The following GRM1 variants were observed in gnomAD, a reference collection of about 807,000 sequenced individuals.
GRM1 encodes metabotropic glutamate receptor 1.
GRM1 carries 33 observed loss-of-function variants against 90.9 expected under a neutral mutation model. The ratio of observed to expected loss-of-function variants is 0.36; its 90% confidence interval spans 0.28 to 0.49. GRM1 has a LOEUF of 0.49. GRM1 is among the 20% of genes least tolerant of loss of function. GRM1 has a pLI of 0.99. For missense variants in GRM1, 1,190 were observed against 1,534.3 expected (o/e 0.78, Z 3.75); for synonymous variants, 700 against 613.2 (o/e 1.14, Z -2.09).
chr6:146,115,183 T>A (rs371006919), intron 1 of GRM1, among the ~76,000 whole-genome samples: 3 of 151,608 alleles, frequency 2.0e-5, no homozygotes, highest in African/African-American at 7.3e-5. Flanking sequence ...CTTAAAATGC[T>A]CATAAGAATC....
chr6:146,374,317 C>T (rs1776013668), intron 5 of GRM1, among the ~76,000 whole-genome samples: 1 of 152,078 alleles, frequency 6.6e-6, no homozygotes, highest in East Asian at 1.9e-4. Flanking sequence ...GAAATAATGG[C>T]CTGTAGTTAT....
chr6:146,156,868 G>A (rs893358872), intron 1 of GRM1, among the ~76,000 whole-genome samples: 1 of 152,164 alleles, frequency 6.6e-6, no homozygotes, highest in Admixed American at 6.5e-5. Flanking sequence ...TTTTGTTATT[G>A]CACAACTTGG....
chr6:146,132,280 T>C (rs1776429373), intron 1 of GRM1, among the ~76,000 whole-genome samples: 1 of 151,712 alleles, frequency 6.6e-6, no homozygotes, highest in South Asian at 2.1e-4. Flanking sequence ...AAACAGTGGA[T>C]GTGGTGGGGG....
chr6:146,154,450 G>A (rs1034166033), intron 1 of GRM1, among the ~76,000 whole-genome samples: 3 of 152,244 alleles, frequency 2.0e-5, no homozygotes, highest in South Asian at 2.1e-4. Context: ...CTTTTGAGTC[G>A]TGACATGTTT....
At chr6:146,385,606 A>G in intron 5 of GRM1, among the ~76,000 whole-genome samples, 1 of 152,036 alleles carries the variant, frequency 6.6e-6, no homozygotes, top group East Asian at 1.9e-4. Flanking sequence ...CAAAATGTGG[A>G]CCTAAACAAA....
At chr6:146,142,672 A>T (rs532762433) in intron 1 of GRM1, among the ~76,000 whole-genome samples, 2 of 143,750 alleles carry the variant, frequency 1.4e-5, no homozygotes, top group South Asian at 5.0e-4. Context: ...CGCATAGACC[A>T]CCACCACAGG....
At chr6:146,423,359 A>G (rs909806604) in intron 7 of GRM1, among the ~76,000 whole-genome samples, 3 of 151,796 alleles carry the variant, frequency 2.0e-5, no homozygotes, top group Non-Finnish European at 4.4e-5. Context: ...TTAATAAAAC[A>G]CTCCTTTCAT....
intron 6 of GRM1, among the ~76,000 whole-genome samples, chr6:146,392,790 G>A (rs1020405474): frequency 6.6e-6 from 1 of 152,094 alleles, no homozygotes; most frequent in Non-Finnish European, 1.5e-5. Flanking sequence ...GCAATGTTTG[G>A]TTTTCTGTTC....
At chr6:146,362,662 C>CT (rs1265329748) in intron 5 of GRM1, among the ~76,000 whole-genome samples, 7 of 67,804 alleles carry the variant, frequency 1.0e-4, no homozygotes, top group East Asian at 5.0e-4. Context: ...GAGACTCCAT[C>CT]TCAAAAAAAA....
At chr6:146,152,343 G>A (rs548863153) in intron 1 of GRM1, among the ~76,000 whole-genome samples, 3 of 151,732 alleles carry the variant, frequency 2.0e-5, no homozygotes, top group South Asian at 4.2e-4. Context: ...CTTTTCTGAA[G>A]AGGTGTTCTC....
intron 2 of GRM1, among the ~76,000 whole-genome samples, chr6:146,272,208 G>A (rs1393846598): frequency 6.6e-6 from 1 of 152,142 alleles, no homozygotes; most frequent in South Asian, 2.1e-4. Context: ...ATCATGCAAG[G>A]GTGCTTGGGG....
At position 146,082,120 on chromosome 6, in the gene GRM1, C is replaced by T. The variant is rs77720549; in HGVS notation, c.700+51903C>T. Among the ~76,000 whole-genome samples, 572 of 152,032 alleles carry T rather than the reference C, an allele frequency of 3.8e-3. 2 individuals are homozygous for T. The highest frequency in any genetic ancestry group is 0.013 in the African/African-American group (556 of 41,518). ...GTGGAGTGGATCTCAAATCTAGAGA[C>T]ATTAACTCCCTTAAGGAATTCTGTG... On this transcript the variant is annotated intron_variant, in intron 1 of 7. Coordinates refer to ENST00000282753, the MANE Select transcript of GRM1 (RefSeq NM_001278064.2).
intron 6 of GRM1, among the ~76,000 whole-genome samples, chr6:146,396,878 C>A (rs1339359153): frequency 2.6e-5 from 4 of 152,094 alleles, no homozygotes. Context: ...GGTGAAATAA[C>A]CTTACACAAA....
chr6:146,162,731 T>G (rs1346567945), intron 2 of GRM1, among the ~76,000 whole-genome samples: 1 of 152,080 alleles, frequency 6.6e-6, no homozygotes, highest in African/African-American at 2.4e-5. Context: ...TAATGAACTA[T>G]ACTGATAGAA....
At chr6:146,384,297 G>A (rs1776421972) in intron 5 of GRM1, among the ~76,000 whole-genome samples, 6 of 152,060 alleles carry the variant, frequency 3.9e-5, no homozygotes, top group African/African-American at 1.4e-4. Flanking sequence ...GTAGGGAGTT[G>A]GATTCCCAGA....
intron 5 of GRM1, among the ~76,000 whole-genome samples, chr6:146,363,924 T>A (rs1455312262): frequency 6.6e-6 from 1 of 152,180 alleles, no homozygotes; most frequent in Non-Finnish European, 1.5e-5. Context: ...ATATTGCCCC[T>A]CTGTTCTCAC....
At chr6:146,208,659 A>G (rs1779575506) in intron 2 of GRM1, among the ~76,000 whole-genome samples, 1 of 152,160 alleles carries the variant, frequency 6.6e-6, no homozygotes, top group African/African-American at 2.4e-5. Flanking sequence ...TGAATTTCAC[A>G]TATATACGTA....
intron 5 of GRM1, among the ~76,000 whole-genome samples, chr6:146,360,778 G>A (rs1775436395): frequency 6.6e-6 from 1 of 152,158 alleles, no homozygotes; most frequent in Non-Finnish European, 1.5e-5. Context: ...ACTATGCAAG[G>A]ATTAATTGCT....
intron 1 of GRM1, among the ~76,000 whole-genome samples, chr6:146,134,758 G>A (rs1220271635): frequency 6.6e-6 from 1 of 151,962 alleles, no homozygotes; most frequent in East Asian, 1.9e-4. Flanking sequence ...GTGAAACCCC[G>A]TCTCTACTAA....
Sources: allele counts gnomAD v4.1 joint callset (sites outside exome capture counted in the v4.1 genomes callset), GRCh38; gene constraint gnomAD v4.1.1; transcripts MANE v1.5; gene names NCBI Gene and HGNC (gene_info 2026-07-23, HGNC 2026-07-21).